Variants in PRKCH observed in about 807,000 individuals in gnomAD.
The protein encoded by PRKCH is protein kinase C eta type.
In PRKCH, 28 loss-of-function variants were observed where a neutral mutation model predicts 82.5. The ratio of observed to expected loss-of-function variants is 0.34; its 90% CI spans 0.25 to 0.47. The LOEUF (loss-of-function observed/expected upper bound fraction) is 0.47, where lower values mean the gene tolerates loss of function less well. PRKCH is among the 20% of genes least tolerant of loss of function. PRKCH has a pLI of 1.00. For missense variants in PRKCH, 705 were observed against 881.8 expected (o/e 0.80, Z 2.54); for synonymous variants, 322 against 327.4 (o/e 0.98, Z 0.18).
intron 2 of PRKCH, among the ~76,000 whole-genome samples, chr14:61,440,977 G>A (rs1883939853): frequency 6.6e-6 from 1 of 150,614 alleles, no homozygotes; most frequent in South Asian, 2.1e-4. Context: ...AAGTGCAGAG[G>A]TGCAATCATG....
intron 10 of PRKCH, among the ~76,000 whole-genome samples, chr14:61,503,410 G>A (rs1034261659): frequency 3.3e-5 from 5 of 151,980 alleles, no homozygotes; most frequent in African/African-American, 1.2e-4. Flanking sequence ...CCGGGAAGGT[G>A]CCCACAGACT....
chr14:61,493,232 A>T (rs1483168299), intron 10 of PRKCH, among the ~76,000 whole-genome samples: 1 of 152,194 alleles, frequency 6.6e-6, no homozygotes, highest in Non-Finnish European at 1.5e-5. Flanking sequence ...GGAGGTAGGT[A>T]GTCCAGCCCC....
At chr14:61,528,329 G>GACT (rs1165983302) in intron 10 of PRKCH, among the ~76,000 whole-genome samples, 1 of 152,044 alleles carries the variant, frequency 6.6e-6, no homozygotes, top group Admixed American at 6.6e-5. Context: ...AAGTATGTGG[G>GACT]ACTACAGGTG....
intron 1 of PRKCH, among the ~76,000 whole-genome samples, chr14:61,192,234 A>G (rs1356947630): frequency 6.6e-6 from 1 of 152,152 alleles, no homozygotes; most frequent in Non-Finnish European, 1.5e-5. Flanking sequence ...TCTCTATTCA[A>G]TTCCTGAGCA....
intron 1 of PRKCH, among the ~76,000 whole-genome samples, chr14:61,374,579 A>T (rs1376543345): frequency 2.0e-5 from 3 of 151,992 alleles, no homozygotes; most frequent in African/African-American, 7.3e-5. Context: ...CTGTACACCC[A>T]CAGGCCCAAC....
chr14:61,281,142 G>C (rs979834748), intron 1 of PRKCH: 33 of 1,350,488 alleles, frequency 2.4e-5, no homozygotes, highest in Middle Eastern at 2.6e-4. Context: ...TGGCGCTCCA[G>C]GTCATGGCGG....
intron 10 of PRKCH, among the ~76,000 whole-genome samples, chr14:61,490,482 T>A (rs971151358): frequency 6.6e-6 from 1 of 152,200 alleles, no homozygotes; most frequent in Admixed American, 6.5e-5. Context: ...CTCTTGTTTC[T>A]CAAGAATCAT....
At chr14:61,461,658 A>G (rs1170328516) in intron 9 of PRKCH, among the ~76,000 whole-genome samples, 1 of 152,238 alleles carries the variant, frequency 6.6e-6, no homozygotes, top group African/African-American at 2.4e-5. Context: ...TCTCATACCT[A>G]ACAGGGGAAT....
intron 11 of PRKCH, among the ~76,000 whole-genome samples, chr14:61,529,456 G>A (rs999780186): frequency 3.3e-5 from 5 of 151,910 alleles, no homozygotes; most frequent in Admixed American, 1.3e-4. Context: ...ACATGCACAC[G>A]TATGTTTATT....
chr14:61,194,651 C>T (rs1477431035), intron 1 of PRKCH, among the ~76,000 whole-genome samples: 1 of 152,168 alleles, frequency 6.6e-6, no homozygotes, highest in Non-Finnish European at 1.5e-5. Flanking sequence ...CATCCATTTA[C>T]CCTATTTTGG....
chr14:61,469,387 C>CAAGA (rs1333042568), intron 9 of PRKCH, among the ~76,000 whole-genome samples: 2 of 152,206 alleles, frequency 1.3e-5, no homozygotes, highest in Non-Finnish European at 2.9e-5. Flanking sequence ...CTAGGGGAAA[C>CAAGA]TCTTAAGTAT....
intron 1 of PRKCH, among the ~76,000 whole-genome samples, chr14:61,207,401 G>A (rs748835568): frequency 1.1e-4 from 16 of 152,036 alleles, no homozygotes; most frequent in Admixed American, 2.6e-4. Flanking sequence ...CAATACATTC[G>A]GAAGACTCAA....
intron 1 of PRKCH, among the ~76,000 whole-genome samples, chr14:61,188,865 G>A: frequency 6.6e-6 from 1 of 151,876 alleles, no homozygotes; most frequent in East Asian, 1.9e-4. Context: ...GATTACAGGC[G>A]CCTGCCACCA....
chr14:61,487,253 G>C (rs1373159781), intron 10 of PRKCH, among the ~76,000 whole-genome samples: 6 of 152,182 alleles, frequency 3.9e-5, no homozygotes, highest in African/African-American at 1.4e-4. Context: ...GGAGGGAAGA[G>C]GGTGCAGAAC....
chr14:61,364,729 C>T (rs938474773), intron 1 of PRKCH, among the ~76,000 whole-genome samples: 2 of 152,044 alleles, frequency 1.3e-5, no homozygotes, highest in Admixed American at 6.5e-5. Context: ...GTCCCAGGTA[C>T]TAGGGAGGCT....
At chr14:61,272,351 T>C (rs1477510634) in intron 1 of PRKCH, among the ~76,000 whole-genome samples, 5 of 115,318 alleles carry the variant, frequency 4.3e-5, no homozygotes, top group African/African-American at 1.7e-4. Context: ...TTTCTTTTTT[T>C]TTTTTTTTTT....
Position 61,292,212 on chromosome 14 carries a change from C to T in PRKCH, c.-19+104544C>T, listed in dbSNP as rs530228143. 9.9e-5 allele frequency among the ~76,000 whole-genome samples: 15 copies of T among 151,350 alleles called. 1 individual carries two copies. Among genetic ancestry groups the T allele is most frequent in the African/African-American group, 3.4e-4 (14 of 41,202 alleles). On this transcript the variant is annotated intron_variant, in intron 1 of 3. Transcript: ENST00000555185. ...TAAAAATACCACCAAAGGCCAGGCA[C>T]AGTGGCTCATGCTTGTAATCCCAGC...
intron 1 of PRKCH, among the ~76,000 whole-genome samples, chr14:61,272,340 CTTTCTTTTT>C (rs1453718526): frequency 0.052 from 5,108 of 97,406 alleles, 667 homozygotes; most frequent in East Asian, 0.13. Flanking sequence ...TTTCTTTTTT[CTTTCTTTTT>C]TTTTTTTTTT....
chr14:61,343,116 T>A (rs1185662275), intron 1 of PRKCH, among the ~76,000 whole-genome samples: 1 of 152,220 alleles, frequency 6.6e-6, no homozygotes, highest in Non-Finnish European at 1.5e-5. Context: ...ATATAATCGC[T>A]ACTTAACTGG....
Sources: gnomAD v4.1 joint callset for allele counts (sites outside exome capture counted in the v4.1 genomes callset) on GRCh38, gnomAD v4.1.1 for gene constraint, MANE v1.5 for transcripts, NCBI Gene and HGNC (gene_info 2026-07-23, HGNC 2026-07-21) for gene names.